The following TBC1D4 variants were observed in gnomAD, a reference collection of about 807,000 sequenced individuals.
TBC1D4 encodes the protein TBC (Tre-2, BUB2, CDC16) domain-containing protein.
A neutral mutation model predicts 142.5 loss-of-function variants in TBC1D4; 121 were observed. The observed-to-expected ratio is 0.85, with a 90% confidence interval of 0.73 to 0.99. The LOEUF (loss-of-function observed/expected upper bound fraction) is 0.99, where lower values mean the gene tolerates loss of function less well. TBC1D4 is among the 50% of genes least tolerant of loss of function. The pLI is 0.00. For synonymous variants in TBC1D4, 630 were observed against 628.2 expected (o/e 1.00, Z -0.04); for missense variants, 1,475 against 1,606.6 (o/e 0.92, Z 1.40).
At chr13:75,464,481 T>A (rs532774591) in intron 1 of TBC1D4, among the ~76,000 whole-genome samples, 1 of 152,346 alleles carries the variant, frequency 6.6e-6, no homozygotes, top group African/African-American at 2.4e-5. Context: ...TTTTAGTTAA[T>A]CTGTGATCTA....
chr13:75,327,246 A>G (rs1362642296), intron 9 of TBC1D4, among the ~76,000 whole-genome samples: 1 of 152,192 alleles, frequency 6.6e-6, no homozygotes, highest in Non-Finnish European at 1.5e-5. Context: ...TTTAACAGAA[A>G]TATTTTAATA....
At chr13:75,476,849 C>CA (rs1345059970) in intron 1 of TBC1D4, among the ~76,000 whole-genome samples, 1 of 152,166 alleles carries the variant, frequency 6.6e-6, no homozygotes, top group Non-Finnish European at 1.5e-5. Context: ...GGGTAGGGTC[C>CA]AGTGGTCTCT....
At chr13:75,461,605 T>C (rs77228755) in intron 1 of TBC1D4, among the ~76,000 whole-genome samples, 6,038 of 152,300 alleles carry the variant, frequency 0.04, 397 homozygotes, top group African/African-American at 0.14. Context: ...AATGTCATAT[T>C]ATTTATAGAA....
chr13:75,297,206 C>T (rs1394859573), intron 17 of TBC1D4, among the ~76,000 whole-genome samples: 1 of 152,104 alleles, frequency 6.6e-6, no homozygotes, highest in African/African-American at 2.4e-5. Flanking sequence ...TACTTACAGT[C>T]CATATTAAAT....
At chr13:75,294,292 C>T (rs895759651) in intron 18 of TBC1D4, among the ~76,000 whole-genome samples, 1 of 152,286 alleles carries the variant, frequency 6.6e-6, no homozygotes. Flanking sequence ...ACTGACTGTA[C>T]TTAGTGTTTT....
At chr13:75,417,259 C>T (rs924735918) in intron 1 of TBC1D4, among the ~76,000 whole-genome samples, 1 of 152,138 alleles carries the variant, frequency 6.6e-6, no homozygotes, top group African/African-American at 2.4e-5. Context: ...GACACGTCAC[C>T]TCCTTCTACT....
At chr13:75,322,784 C>G in intron 11 of TBC1D4, among the ~76,000 whole-genome samples, 1 of 152,268 alleles carries the variant, frequency 6.6e-6, no homozygotes, top group Middle Eastern at 3.4e-3. Context: ...AAACTGATAT[C>G]TTTATGTATA....
chr13:75,343,440 T>G lies in TBC1D4; in HGVS notation c.1409-1853A>C, dbSNP rs181195390. Among the ~76,000 whole-genome samples, 508 of 152,318 alleles carry G rather than the reference T, an allele frequency of 3.3e-3. 6 individuals carry two copies. Among genetic ancestry groups the G allele is most frequent in the Non-Finnish European group, 4.3e-3 (294 of 68,026 alleles). Reference sequence around the variant, plus strand: ...AATGTACAGCAAAATTCGGTGCAAGTCTTGGTGATCACAGACAGAAAACTA... The same window carrying G: ...AATGTACAGCAAAATTCGGTGCAAGGCTTGGTGATCACAGACAGAAAACTA... On this transcript the variant is annotated intron_variant, in intron 5 of 20. Coordinates refer to ENST00000377636, the MANE Select transcript of TBC1D4 (RefSeq NM_014832.5).
rs1170103090 is a variant in TBC1D4, at chr13:75,302,321, G to C, written c.2833C>G (p.Gln945Glu). The change falls in exon 16 of 21, where the codon CAA becomes GAA. Residue 945 changes from glutamine to glutamate, a missense_variant. By Grantham distance (29) the Gln-to-Glu change is conservative (BLOSUM62 2). Coordinates refer to ENST00000377636, the MANE Select transcript of TBC1D4 (RefSeq NM_014832.5). Reference protein sequence around the residue: ...YRLRHRLPNKQQPPDISYKEL... With the variant: ...YRLRHRLPNKEQPPDISYKEL... ...TTATAGGATATGTCAGGAGGCTGTT[G>C]TTTATTAGGCAATCTGTGTCTGAGT... 2 of 1,614,064 alleles carry C rather than the reference G, an allele frequency of 1.2e-6. No homozygotes were observed. Among genetic ancestry groups the C allele is most frequent in the East Asian group, 2.2e-5 (1 of 44,896 alleles).
chr13:75,290,426 C>A (rs1304172075), intron 19 of TBC1D4, among the ~76,000 whole-genome samples: 1 of 152,046 alleles, frequency 6.6e-6, no homozygotes, highest in African/African-American at 2.4e-5. Flanking sequence ...CCTATAAATT[C>A]TACTCATTAA....
chr13:75,376,946 C>A (rs112484137), intron 1 of TBC1D4, among the ~76,000 whole-genome samples: 3,560 of 152,254 alleles, frequency 0.023, 156 homozygotes, highest in African/African-American at 0.081. Context: ...CAGCATTTAT[C>A]CTGTCACAAA....
At chr13:75,451,291 A>G (rs562827803) in intron 1 of TBC1D4, among the ~76,000 whole-genome samples, 155 of 152,226 alleles carry the variant, frequency 1.0e-3, no homozygotes, top group Non-Finnish European at 1.9e-3. Flanking sequence ...TGCTCTATAA[A>G]ATAATAACTA....
intron 11 of TBC1D4, among the ~76,000 whole-genome samples, chr13:75,322,410 A>G (rs2137989883): frequency 6.6e-6 from 1 of 152,330 alleles, no homozygotes; most frequent in Middle Eastern, 3.4e-3. Flanking sequence ...ACTAATGTGT[A>G]TTTGCCCTTT....
At chr13:75,363,745 T>G (rs748226607) in intron 1 of TBC1D4, among the ~76,000 whole-genome samples, 6 of 152,224 alleles carry the variant, frequency 3.9e-5, no homozygotes, top group Admixed American at 6.5e-5. Context: ...AAAATACACT[T>G]TCTAAATTAA....
At chr13:75,299,187 G>A in intron 17 of TBC1D4, 143 bp downstream of exon 17, 1 of 1,416,746 alleles carries the variant, frequency 7.1e-7, no homozygotes, top group Non-Finnish European at 9.6e-7. Context: ...CACACTAAGT[G>A]AACTAAAACA....
intron 1 of TBC1D4, among the ~76,000 whole-genome samples, chr13:75,396,374 T>C (rs1183446247): frequency 6.6e-6 from 1 of 152,236 alleles, no homozygotes; most frequent in Non-Finnish European, 1.5e-5. Context: ...ATTCCAGATC[T>C]TGTTGACTAT....
At chr13:75,379,601 T>G (rs1409388448) in intron 1 of TBC1D4, among the ~76,000 whole-genome samples, 1 of 152,162 alleles carries the variant, frequency 6.6e-6, no homozygotes, top group African/African-American at 2.4e-5. Flanking sequence ...CGATTTGACT[T>G]ACATCTATTA....
At position 75,402,880 on chromosome 13, in the gene TBC1D4, C is replaced by T. The variant is rs148128646; in HGVS notation, c.499-40273G>A. Among the ~76,000 whole-genome samples the T allele has an allele frequency of 2.4e-3, 367 of 152,234 alleles. 3 individuals are homozygous for T. The highest frequency in any genetic ancestry group is 8.4e-3 in the African/African-American group (347 of 41,544). ...GCACAAAAAGCAAAAATAGAGCTCA[C>T]AAGGAGATTAAGTTACATACACAAG... is the stretch of plus-strand genomic sequence containing the variant. On this transcript the variant is annotated intron_variant, in intron 1 of 20. Coordinates refer to ENST00000377636, the MANE Select transcript of TBC1D4 (RefSeq NM_014832.5).
chr13:75,408,897 T>C (rs1885464825), intron 1 of TBC1D4, among the ~76,000 whole-genome samples: 1 of 152,208 alleles, frequency 6.6e-6, no homozygotes, highest in Non-Finnish European at 1.5e-5. Context: ...TCAAATACTT[T>C]GCCCATTCTT....
Sources: gnomAD v4.1 joint callset for allele counts (sites outside exome capture counted in the v4.1 genomes callset) on GRCh38, gnomAD v4.1.1 for gene constraint, MANE v1.5 for transcripts, NCBI Gene and HGNC (gene_info 2026-07-23, HGNC 2026-07-21) for gene names.